JAK1: variants seen among roughly 807,000 people sequenced by gnomAD.
The protein encoded by JAK1 is tyrosine-protein kinase JAK1.
A neutral mutation model predicts 136.6 loss-of-function variants in JAK1; 16 were observed. The observed-to-expected ratio is 0.12, with a 90% CI of 0.08 to 0.18. The LOEUF (loss-of-function observed/expected upper bound fraction) is 0.18, where lower values mean the gene tolerates loss of function less well. Ranked by LOEUF, JAK1 falls within the 10% of genes least tolerant of loss-of-function variation. The probability of loss-of-function intolerance (pLI) is 1.00; values close to 1 mark genes in which losing one functional copy is unlikely to be tolerated. For synonymous variants in JAK1, 492 were observed against 519.5 expected (o/e 0.95, Z 0.72); for missense variants, 859 against 1,450.1 (o/e 0.59, Z 6.62).
intron 2 of JAK1, chr1:64,987,655 CTCTAAG>C (rs1646612875): frequency 6.6e-6 from 1 of 152,186 alleles, no homozygotes; most frequent in East Asian, 1.9e-4. Flanking sequence ...AGGATGATGC[CTCTAAG>C]TCTTCCTGCA....
chr1:64,869,130 C>T (rs1230550508), intron 6 of JAK1, among the ~76,000 whole-genome samples, 181 bp downstream of exon 6: 1 of 152,178 alleles, frequency 6.6e-6, no homozygotes, highest in Non-Finnish European at 1.5e-5. Flanking sequence ...AGCCAACATC[C>T]AAAATCAAGA....
chr1:64,924,692 G>GT (rs1388660589), intron 1 of JAK1, among the ~76,000 whole-genome samples: 8 of 152,182 alleles, frequency 5.3e-5, no homozygotes, highest in Non-Finnish European at 8.8e-5. Context: ...AACAGAATCA[G>GT]TATCTTCAGC....
At chr1:65,012,775 T>A (rs1646859707) in intron 2 of JAK1, among the ~76,000 whole-genome samples, 1 of 143,822 alleles carries the variant, frequency 7.0e-6, no homozygotes, top group Non-Finnish European at 1.5e-5. Context: ...CCAGCCTGAG[T>A]GACACAGTAA....
chr1:64,974,516 A>G (rs1646480913), intron 2 of JAK1: 2 of 152,216 alleles, frequency 1.3e-5, no homozygotes, highest in African/African-American at 4.8e-5. Flanking sequence ...AACCATCCCT[A>G]CCATAGTATG....
Position 65,001,084 on chromosome 1 carries a change from G to C in JAK1, c.-78+43396C>G, listed in dbSNP as rs368598599. On this transcript the variant is annotated intron_variant, in intron 2 of 25. Transcript: ENST00000671954. ...TCAGCATCAATTCACAAAATGGGGC[G>C]TTGGAAGGGGAAAAACAGCTGCTCT... Among the ~76,000 whole-genome samples, 29 of 152,200 alleles carry C rather than the reference G, an allele frequency of 1.9e-4. 5 individuals are homozygous for C. Among genetic ancestry groups the C allele is most frequent in the Admixed American group, 3.3e-4 (5 of 15,284 alleles).
At chr1:64,948,829 T>C (rs967976752) in intron 1 of JAK1, among the ~76,000 whole-genome samples, 1 of 152,086 alleles carries the variant, frequency 6.6e-6, no homozygotes, top group Non-Finnish European at 1.5e-5. Context: ...ATCTCCAGAG[T>C]AAATCTTGAA....
At chr1:64,869,523 G>A (rs2101133118) in intron 5 of JAK1, 49 bp from the exon 6 acceptor site, 2 of 1,534,796 alleles carry the variant, frequency 1.3e-6, no homozygotes, top group Non-Finnish European at 9.0e-7. Flanking sequence ...TTTTGATCTT[G>A]ACAAGAAGGC....
chr1:64,869,025 G>C (rs1450775819), intron 6 of JAK1, among the ~76,000 whole-genome samples: 2 of 152,140 alleles, frequency 1.3e-5, no homozygotes, highest in African/African-American at 4.8e-5. Context: ...TGTCCACCAT[G>C]GGCAAGGAGG....
At chr1:64,843,444 C>T (rs1655034487) in intron 17 of JAK1, among the ~76,000 whole-genome samples, 1 of 152,180 alleles carries the variant, frequency 6.6e-6, no homozygotes, top group Admixed American at 6.5e-5. Context: ...GCCTGTTTTG[C>T]ATTCTAGCTG....
intron 2 of JAK1, among the ~76,000 whole-genome samples, chr1:65,044,370 C>G (rs1209490468): frequency 6.6e-6 from 1 of 152,176 alleles, no homozygotes; most frequent in Non-Finnish European, 1.5e-5. Flanking sequence ...CACAGGAAAT[C>G]CTTGGCTTTC....
At chr1:65,018,906 GAGGCTGAGGC>G (rs1380983052) in intron 2 of JAK1, among the ~76,000 whole-genome samples, 1 of 152,158 alleles carries the variant, frequency 6.6e-6, no homozygotes, top group Admixed American at 6.5e-5. Context: ...AGCTACTCGG[GAGGCTGAGGC>G]AGGAGAACGG....
chr1:65,000,557 A>T (rs980421057), intron 2 of JAK1, among the ~76,000 whole-genome samples: 3 of 152,038 alleles, frequency 2.0e-5, no homozygotes, highest in African/African-American at 2.4e-5. Context: ...AAATAGCAAT[A>T]CTTCCGGACA....
intron 1 of JAK1, among the ~76,000 whole-genome samples, chr1:64,946,326 T>C (rs558877599): frequency 5.9e-5 from 9 of 152,284 alleles, no homozygotes; most frequent in African/African-American, 2.2e-4. Context: ...TTTAATAGTC[T>C]AATTAACCCT....
At chr1:64,846,198 G>A (rs1280538731) in intron 14 of JAK1, among the ~76,000 whole-genome samples, 1 of 152,174 alleles carries the variant, frequency 6.6e-6, no homozygotes, top group East Asian at 1.9e-4. Flanking sequence ...TGCAGCAGCA[G>A]CCCAAGGGCC....
chr1:65,032,874 T>G (rs532361546), intron 2 of JAK1, among the ~76,000 whole-genome samples: 3 of 152,242 alleles, frequency 2.0e-5, no homozygotes, highest in African/African-American at 7.2e-5. Flanking sequence ...CAGAGACCAC[T>G]ACTTAATAGC....
intron 1 of JAK1, among the ~76,000 whole-genome samples, chr1:64,931,955 GA>G (rs1217062721): frequency 6.6e-6 from 1 of 150,984 alleles, no homozygotes; most frequent in Non-Finnish European, 1.5e-5. Flanking sequence ...TCTAAAAAAG[GA>G]GGGGGGGGGA....
At chr1:64,906,709 T>C (rs1387865414) in intron 1 of JAK1, among the ~76,000 whole-genome samples, 1 of 152,148 alleles carries the variant, frequency 6.6e-6, no homozygotes, top group African/African-American at 2.4e-5. Context: ...CAGACAAAGC[T>C]CAATAAGTGG....
At chr1:65,035,659 A>G (rs1366779882) in intron 2 of JAK1, among the ~76,000 whole-genome samples, 1 of 152,226 alleles carries the variant, frequency 6.6e-6, no homozygotes, top group African/African-American at 2.4e-5. Context: ...GATATTTTCT[A>G]TAGACACTTG....
intron 2 of JAK1, among the ~76,000 whole-genome samples, chr1:65,018,479 AGAG>A (rs1646908445): frequency 2.1e-5 from 3 of 141,724 alleles, no homozygotes; most frequent in Non-Finnish European, 4.5e-5. Context: ...AGAGAGAGAG[AGAG>A]AGAGAACACA....
Sources: allele counts gnomAD v4.1 joint callset (sites outside exome capture counted in the v4.1 genomes callset), GRCh38; gene constraint gnomAD v4.1.1; transcripts MANE v1.5; gene names NCBI Gene and HGNC (gene_info 2026-07-23, HGNC 2026-07-21).